The following SHANK2 variants were observed in gnomAD, a reference collection of about 807,000 sequenced individuals.
SHANK2 encodes SH3 and multiple ankyrin repeat domains 2.
In SHANK2, 43 loss-of-function variants were observed where a neutral mutation model predicts 133.7. The observed-to-expected ratio is 0.32, with a 90% confidence interval of 0.25 to 0.41. The LOEUF (loss-of-function observed/expected upper bound fraction) is 0.41, where lower values mean the gene tolerates loss of function less well. Ranked by LOEUF, SHANK2 falls within the 10% of genes least tolerant of loss-of-function variation. The pLI, the probability that SHANK2 is intolerant of heterozygous loss-of-function variation, is 1.00. For synonymous variants in SHANK2, 1,017 were observed against 952.8 expected (o/e 1.07, Z -1.24); for missense variants, 1,994 against 2,235.8 (o/e 0.89, Z 2.18).
intron 17 of SHANK2, among the ~76,000 whole-genome samples, chr11:70,530,098 T>C (rs11826745): frequency 0.1 from 15,933 of 152,172 alleles, 1,164 homozygotes; most frequent in East Asian, 0.4. Flanking sequence ...CAAGCAGATA[T>C]TTGCTCACCA....
At chr11:70,945,011 A>G (rs1485111955) in intron 10 of SHANK2, among the ~76,000 whole-genome samples, 1 of 152,042 alleles carries the variant, frequency 6.6e-6, no homozygotes, top group Non-Finnish European at 1.5e-5. Flanking sequence ...TGTTCCCCAA[A>G]TTGTCTTGGT....
chr11:71,097,546 G>A (rs1309737690), intron 6 of SHANK2, among the ~76,000 whole-genome samples: 3 of 152,248 alleles, frequency 2.0e-5, no homozygotes, highest in Non-Finnish European at 2.9e-5. Flanking sequence ...CAACGGGTGG[G>A]AGTAGAAACA....
intron 23 of SHANK2, 145 bp from the exon 24 acceptor site, chr11:70,489,493 A>C: frequency 2.5e-6 from 2 of 801,468 alleles, no homozygotes; most frequent in Admixed American, 3.5e-5. Flanking sequence ...GCCTACAGTT[A>C]TCCACCTGAG....
intron 9 of SHANK2, among the ~76,000 whole-genome samples, chr11:71,061,652 G>A (rs1022572858): frequency 7.9e-5 from 12 of 152,260 alleles, no homozygotes; most frequent in African/African-American, 2.9e-4. Context: ...CAGGAGAGGG[G>A]CCCACTCATA....
At chr11:70,704,839 G>A (rs191420808) in intron 14 of SHANK2, among the ~76,000 whole-genome samples, 1 of 152,334 alleles carries the variant, frequency 6.6e-6, no homozygotes, top group East Asian at 1.9e-4. Flanking sequence ...CTTTCCACCA[G>A]GGCGCATGTG....
intron 10 of SHANK2, among the ~76,000 whole-genome samples, chr11:70,927,568 G>C (rs1342451476): frequency 6.6e-6 from 1 of 151,952 alleles, no homozygotes. Context: ...TCTCTGCAGG[G>C]GTTCAAGCAA....
intron 2 of SHANK2, among the ~76,000 whole-genome samples, chr11:71,207,677 T>C (rs1466529787): frequency 1.2e-4 from 18 of 152,158 alleles, no homozygotes; most frequent in Non-Finnish European, 2.2e-4. Context: ...CAAAAACAAA[T>C]CGACAGAGCA....
chr11:70,812,804 G>C (rs1446578752), intron 12 of SHANK2, among the ~76,000 whole-genome samples: 1 of 152,166 alleles, frequency 6.6e-6, no homozygotes, highest in Non-Finnish European at 1.5e-5. Flanking sequence ...AACTGTCCAT[G>C]TTTTCCTTAT....
chr11:70,508,691 G>A (rs1012733825), intron 17 of SHANK2, among the ~76,000 whole-genome samples: 1 of 152,148 alleles, frequency 6.6e-6, no homozygotes, highest in Non-Finnish European at 1.5e-5. Flanking sequence ...ACAAGTTTCA[G>A]ACCAGCCTGG....
intron 12 of SHANK2, among the ~76,000 whole-genome samples, chr11:70,819,273 T>C (rs1311316498): frequency 6.6e-6 from 1 of 152,216 alleles, no homozygotes; most frequent in African/African-American, 2.4e-5. Flanking sequence ...GTTCTGGCTG[T>C]GTGACCTCGG....
At chr11:70,527,909 C>A (rs2059420251) in intron 17 of SHANK2, among the ~76,000 whole-genome samples, 2 of 152,222 alleles carry the variant, frequency 1.3e-5, no homozygotes. Context: ...CCGGGCGACC[C>A]AGACCTTGCC....
At chr11:70,829,277 G>A (rs1227004082) in intron 11 of SHANK2, among the ~76,000 whole-genome samples, 1 of 152,194 alleles carries the variant, frequency 6.6e-6, no homozygotes, top group Non-Finnish European at 1.5e-5. Context: ...ACCTCTGGAC[G>A]GGAGCCACGC....
intron 2 of SHANK2, among the ~76,000 whole-genome samples, chr11:71,176,558 T>G (rs1953450201): frequency 6.6e-6 from 1 of 152,140 alleles, no homozygotes; most frequent in Admixed American, 6.5e-5. Context: ...CTACAATATC[T>G]GAAGTGAAAA....
chr11:71,075,683 C>T (rs1366610766), intron 8 of SHANK2, among the ~76,000 whole-genome samples: 1 of 152,204 alleles, frequency 6.6e-6, no homozygotes, highest in African/African-American at 2.4e-5. Context: ...CCAAGCTCCC[C>T]CTTCCAAGGG....
chr11:71,156,974 T>C (rs1298809969), intron 2 of SHANK2, among the ~76,000 whole-genome samples: 1 of 152,184 alleles, frequency 6.6e-6, no homozygotes. Context: ...CCAAGTATTA[T>C]CGCCTGAAAG....
intron 14 of SHANK2, among the ~76,000 whole-genome samples, chr11:70,790,545 A>G (rs1282062650): frequency 3.3e-5 from 5 of 152,322 alleles, no homozygotes; most frequent in Admixed American, 1.3e-4. Context: ...GGTTTCTTTG[A>G]GGAAGAAGAG....
chr11:70,855,283 C>T (rs939955644), intron 11 of SHANK2, among the ~76,000 whole-genome samples: 3 of 152,216 alleles, frequency 2.0e-5, no homozygotes, highest in Non-Finnish European at 2.9e-5. Flanking sequence ...GACAGACATT[C>T]TAGCAGGTGA....
chr11:71,133,631 G>C (rs1952379062), intron 3 of SHANK2, among the ~76,000 whole-genome samples: 1 of 152,024 alleles, frequency 6.6e-6, no homozygotes, highest in Non-Finnish European at 1.5e-5. Context: ...GCGTAGAGTG[G>C]AGGGGTGGTC....
At chr11:70,491,237 A>G (rs2058883310) in intron 22 of SHANK2, among the ~76,000 whole-genome samples, 1 of 152,232 alleles carries the variant, frequency 6.6e-6, no homozygotes, top group South Asian at 2.1e-4. Context: ...TCCAGCTTTG[A>G]GATGCAGTTT....
Sources: gnomAD v4.1 joint callset for allele counts (sites outside exome capture counted in the v4.1 genomes callset) on GRCh38, gnomAD v4.1.1 for gene constraint, MANE v1.5 for transcripts, NCBI Gene and HGNC (gene_info 2026-07-23, HGNC 2026-07-21) for gene names.